The following MANEA variants were observed in gnomAD, a reference collection of about 807,000 sequenced individuals.
The protein encoded by MANEA is glycoprotein endo-alpha-1,2-mannosidase.
Under a neutral mutation model 36.8 loss-of-function variants are expected in MANEA, and 25 were observed. The ratio of observed to expected loss-of-function variants is 0.68; its 90% CI spans 0.50 to 0.95. The LOEUF (loss-of-function observed/expected upper bound fraction) is 0.95. Among genes scored for constraint, MANEA ranks in the 40% least tolerant of loss-of-function variants. MANEA has a pLI of 0.00. For missense variants in MANEA, 565 were observed against 558.8 expected, an observed-to-expected ratio of 1.01 and a Z score of -0.11; for synonymous variants, 198 against 188.5, an observed-to-expected ratio of 1.05 and a Z score of -0.41.
At chr6:95,604,311 G>A (rs1424264056) in intron 3 of MANEA, among the ~76,000 whole-genome samples, 1 of 151,618 alleles carries the variant, frequency 6.6e-6, no homozygotes, top group African/African-American at 2.4e-5. Flanking sequence ...TCACATGCCT[G>A]AAAAAAATCC....
chr6:95,586,666 T>A lies in MANEA; in HGVS notation c.227T>A (p.Leu76Ter), dbSNP rs1391815003. 1 of 1,614,014 alleles carries A rather than the reference T, an allele frequency of 6.2e-7. No individual in the cohort carries two copies. The highest frequency in any genetic ancestry group is 1.1e-5 in the South Asian group (1 of 91,082). Residue 76 changes from leucine to a stop codon, truncating the protein, a stop_gained, in exon 2 of 5, where the codon TTA becomes TAA. Coordinates refer to ENST00000358812, the MANE Select transcript of MANEA (RefSeq NM_024641.4). LOFTEE classifies it high-confidence loss of function. ...RINSETNTKNLKSVEITMKPS... is the reference protein window; with the variant it reads ...RINSETNTKN The stretch of plus-strand genomic sequence containing the variant: ...AACAGTGAAACAAATACCAAGAATT[T>A]AAAAAGTGTTGAAATCACTATGAAA...
At chr6:95,596,310 A>C (rs1769482263) in intron 2 of MANEA, among the ~76,000 whole-genome samples, 1 of 152,142 alleles carries the variant, frequency 6.6e-6, no homozygotes, top group Admixed American at 6.6e-5. Flanking sequence ...CGAACTGTAC[A>C]ACACAAAGTG....
At chr6:95,590,112 C>T (rs1769361188) in intron 2 of MANEA, 1 of 152,158 alleles carries the variant, frequency 6.6e-6, no homozygotes, top group African/African-American at 2.4e-5. Flanking sequence ...CAGTCCAATA[C>T]CTGGCCTTGA....
chr6:95,595,422 T>A (rs1259435032), intron 2 of MANEA, among the ~76,000 whole-genome samples: 1 of 152,142 alleles, frequency 6.6e-6, no homozygotes, highest in East Asian at 1.9e-4. Flanking sequence ...TATGTTTCGT[T>A]CTAGTTGCCA....
intron 2 of MANEA, among the ~76,000 whole-genome samples, chr6:95,593,827 CAGG>C (rs1769433558): frequency 1.3e-5 from 2 of 151,924 alleles, no homozygotes; most frequent in Admixed American, 1.3e-4. Flanking sequence ...GTGGGAGGAT[CAGG>C]AGATCAGGAG....
At chr6:95,585,639 G>A (rs1160329978) in intron 1 of MANEA, among the ~76,000 whole-genome samples, 4 of 152,094 alleles carry the variant, frequency 2.6e-5, no homozygotes, top group African/African-American at 9.7e-5. Context: ...AAAAAATTGG[G>A]AATATCTTAC....
chr6:95,605,504 C>T (rs1034572670), intron 4 of MANEA, among the ~76,000 whole-genome samples: 20 of 152,040 alleles, frequency 1.3e-4, no homozygotes, highest in Admixed American at 4.6e-4. Context: ...TGGCATTAGT[C>T]ATCATTTGTA....
chr6:95,582,740 A>G (rs1489974598), intron 1 of MANEA, among the ~76,000 whole-genome samples: 1 of 152,208 alleles, frequency 6.6e-6, no homozygotes, highest in African/African-American at 2.4e-5. Context: ...ACAAACACAC[A>G]TACCCTTACT....
intron 4 of MANEA, 91 bp from the exon 5 acceptor site, chr6:95,605,657 C>A: frequency 2.3e-6 from 2 of 864,964 alleles, no homozygotes; most frequent in Non-Finnish European, 3.7e-6. Context: ...GCTCAAACTG[C>A]ACTGACTCCT....
intron 1 of MANEA, among the ~76,000 whole-genome samples, chr6:95,585,206 T>G (rs945578161): frequency 2.6e-5 from 4 of 152,214 alleles, no homozygotes; most frequent in African/African-American, 9.6e-5. Flanking sequence ...TGCATTAATA[T>G]ATGTCCATAA....
At position 95,608,838 on chromosome 6, in the gene MANEA, A is replaced by G. The variant is rs888894418; in HGVS notation, c.*2433A>G. ...ATCTCTAGATTATTTATAACACTTA[A>G]TACAATGTAAATGCTATGTAGTTGT... On this transcript the variant is annotated 3_prime_UTR_variant, in exon 5 of 5. Coordinates refer to ENST00000358812, the MANE Select transcript of MANEA (RefSeq NM_024641.4). The G allele has an allele frequency of 6.6e-6, 1 of 151,756 alleles. No homozygotes were observed. Among genetic ancestry groups the G allele is most frequent in the African/African-American group, 2.4e-5 (1 of 41,392 alleles). 9.4% of individuals were successfully genotyped at this position (151,756 alleles called of 1,614,324 possible). A position where few individuals can be genotyped will look rare whatever the true frequency, so the allele number is the denominator to read the frequency against.
rs767704438 is a variant in MANEA at position 95,586,572 on chromosome 6, C to A, written c.133C>A (p.Leu45Ile). 1 of 1,614,050 alleles carries A rather than the reference C, an allele frequency of 6.2e-7. No homozygotes were observed. Among genetic ancestry groups the A allele is most frequent in the Non-Finnish European group, 8.5e-7 (1 of 1,179,978 alleles). ...TGGAGCTCCTTTTGGACTTGACCTTCTTCCAGAACTTCATCAACGAACTAT... is the reference window on the plus strand; with the variant it reads ...TGGAGCTCCTTTTGGACTTGACCTTATTCCAGAACTTCATCAACGAACTAT... ...TFGAPFGLDL[L>I]PELHQRTIHL... The change falls in exon 2 of 5, where the codon CTT becomes ATT. Residue 45 changes from leucine (L) to isoleucine (I), a missense_variant. By Grantham distance (5) the Leu-to-Ile change is conservative. Transcript: ENST00000358812.
chr6:95,578,314 A>G (rs1210838952), intron 1 of MANEA, among the ~76,000 whole-genome samples: 1 of 152,170 alleles, frequency 6.6e-6, no homozygotes. Flanking sequence ...ACAGGCAGGT[A>G]TAACTGTTTG....
intron 3 of MANEA, among the ~76,000 whole-genome samples, chr6:95,603,026 CAAAAA>C (rs67486139): frequency 6.3e-5 from 4 of 63,432 alleles, no homozygotes; most frequent in Non-Finnish European, 1.1e-4. Flanking sequence ...GACTCCGTCT[CAAAAA>C]AAAAAAAAAA....
At chr6:95,577,712 G>T (rs1040441210) in intron 1 of MANEA, 74 bp downstream of exon 1, 1 of 152,272 alleles carries the variant, frequency 6.6e-6, no homozygotes, top group South Asian at 2.1e-4. Context: ...GGTCCACCGC[G>T]GGCGCCTGCG....
At chr6:95,582,841 G>A (rs1382920780) in intron 1 of MANEA, among the ~76,000 whole-genome samples, 1 of 152,140 alleles carries the variant, frequency 6.6e-6, no homozygotes, top group East Asian at 1.9e-4. Flanking sequence ...GTGTATTTAT[G>A]TATATGTGTG....
chr6:95,602,024 T>C (rs998404666), intron 3 of MANEA, among the ~76,000 whole-genome samples: 37 of 152,214 alleles, frequency 2.4e-4, no homozygotes, highest in African/African-American at 8.2e-4. Context: ...TTGAAACATG[T>C]TATATTAGTC....
Position 95,587,992 on chromosome 6 carries a change from T to G in MANEA, c.544+1009T>G, listed in dbSNP as rs1043050365. ...CTTTTTACAATACGCCCCTTTAACTTAACTGATTCTTATTGTTGTTCCCAC... is the reference window on the plus strand; with the variant it reads ...CTTTTTACAATACGCCCCTTTAACTGAACTGATTCTTATTGTTGTTCCCAC... On this transcript the variant is annotated intron_variant, in intron 2 of 4. Transcript: ENST00000358812. 3.9e-5 allele frequency among the ~76,000 whole-genome samples: 6 copies of G among 152,222 alleles called. No individual in the cohort carries two copies. The South Asian group carries it at 1.2e-3, about 32-fold the overall frequency.
At chr6:95,600,059 T>C (rs1769560099) in intron 3 of MANEA, among the ~76,000 whole-genome samples, 1 of 152,160 alleles carries the variant, frequency 6.6e-6, no homozygotes, top group Admixed American at 6.5e-5. Context: ...TTTCAGGAAG[T>C]TTTGAAAGAG....
Sources: allele counts gnomAD v4.1 joint callset (sites outside exome capture counted in the v4.1 genomes callset), GRCh38; gene constraint gnomAD v4.1.1; transcripts MANE v1.5; gene names NCBI Gene and HGNC (gene_info 2026-07-23, HGNC 2026-07-21).